Variants in ERCC2 observed in about 807,000 individuals in gnomAD.
ERCC2 encodes the protein general transcription and DNA repair factor IIH helicase subunit XPD.
ERCC2 carries 90 observed loss-of-function variants against 99.4 expected under a neutral mutation model. The observed-to-expected ratio is 0.91, with a 90% CI of 0.76 to 1.08. ERCC2 has a LOEUF of 1.08. ERCC2 is among the 50% of genes least tolerant of loss of function. The probability of loss-of-function intolerance (pLI) is 0.00; values close to 1 mark genes in which losing one functional copy is unlikely to be tolerated. For missense variants in ERCC2, 993 were observed against 1,038.1 expected (o/e 0.96, Z 0.60); for synonymous variants, 497 against 432.4 (o/e 1.15, Z -1.85).
At chr19:45,363,238 C>T (rs1018748555) in intron 11 of ERCC2, among the ~76,000 whole-genome samples, 1 of 152,116 alleles carries the variant, frequency 6.6e-6, no homozygotes, top group African/African-American at 2.4e-5. Context: ...ACGCCCCTGC[C>T]CTCAGGTTTG....
In ERCC2 at chr19:45,350,677, G is replaced by GAGTCT; in HGVS notation, c.*947_*951dup. 6.2e-7 allele frequency: 1 copy of GAGTCT among 1,613,892 alleles called. No homozygotes were observed. The highest frequency in any genetic ancestry group is 8.5e-7 in the Non-Finnish European group (1 of 1,179,926). On this transcript the variant is annotated 3_prime_UTR_variant, in exon 23 of 23. Transcript: ENST00000391945. ...CAGCAGCTCACTCTCCAAGATCCGT[G>GAGTCT]AGTCTATCAGGCGAGGAAGTGAGAA...
chr19:45,357,808 T>TA lies in ERCC2; in HGVS notation c.1238-110dup, dbSNP rs1972065924. Reference sequence around the variant, plus strand: ...TCGCTTCACCCCAATCTCCACCCCGTACTGCCTGGGAGTAAATGCGACCAA... The same window carrying TA: ...TCGCTTCACCCCAATCTCCACCCCGTAACTGCCTGGGAGTAAATGCGACCAA... On this transcript the variant is annotated intron_variant, in intron 12 of 22. Coordinates refer to ENST00000391945, the MANE Select transcript of ERCC2 (RefSeq NM_000400.4). 4 of 1,012,544 alleles carry TA rather than the reference T, an allele frequency of 4.0e-6. No individual in the cohort carries two copies. The Admixed American group carries it at 7.9e-5, about 20-fold the overall frequency. 62.7% of individuals were successfully genotyped at this position (1,012,544 alleles called of 1,614,324 possible).
chr19:45,370,317 G>A, intron 1 of ERCC2, 85 bp from the exon 2 acceptor site: 4 of 1,567,646 alleles, frequency 2.6e-6, no homozygotes, highest in Non-Finnish European at 3.5e-6. Flanking sequence ...GCCCAGAGAA[G>A]GGTGACGGGC....
At chr19:45,352,146 A>G in intron 22 of ERCC2, 63 bp downstream of exon 22, 1 of 1,583,642 alleles carries the variant, frequency 6.3e-7, no homozygotes, top group South Asian at 1.1e-5. Flanking sequence ...GGAGAATCCA[A>G]GGGGACTTTC....
In ERCC2 at chr19:45,369,077, T is replaced by C. The variant is rs1176128995; in HGVS notation, c.176A>G (p.Tyr59Cys). 1 of 1,613,986 alleles carries C rather than the reference T, an allele frequency of 6.2e-7. No individual in the cohort carries two copies. Among genetic ancestry groups the C allele is most frequent in the Non-Finnish European group, 8.5e-7 (1 of 1,179,982 alleles). Residue 59 changes from tyrosine (Y) to cysteine (C), a missense_variant, in exon 3 of 23, where the codon TAC becomes TGC. Tyr to Cys is a radical substitution (Grantham distance 194). Transcript: ENST00000391945. ...TVSLLALIMAYQRAYPLEVTK... is the reference protein window; with the variant it reads ...TVSLLALIMACQRAYPLEVTK... ...GTTCAGCGCATCACTCACTCTCTGG[T>C]ATGCCATGATCAGGGCCAACAGGGA... is the stretch of plus-strand genomic sequence containing the variant.
Position 45,363,869 on chromosome 19 carries a change from C to T in ERCC2, c.992G>A (p.Gly331Asp). Reference protein sequence around the residue: ...GSIRTAEHFLGFLRRLLEYVK... With the variant: ...GSIRTAEHFLDFLRRLLEYVK... Reference sequence around the variant, plus strand: ...GTACTCCAGCAGCCGCCTCAGGAAGCCCAGGAAATGCTCGGCCGTGCGGAT... The same window carrying T: ...GTACTCCAGCAGCCGCCTCAGGAAGTCCAGGAAATGCTCGGCCGTGCGGAT... The change falls in exon 11 of 23, where the codon GGC becomes GAC. Residue 331 changes from glycine to aspartate, a missense_variant. Coordinates refer to ENST00000391945, the MANE Select transcript of ERCC2 (RefSeq NM_000400.4). 2 of 1,552,786 alleles carry T rather than the reference C, an allele frequency of 1.3e-6. No homozygotes were observed. Among genetic ancestry groups the T allele is most frequent in the Non-Finnish European group, 1.7e-6 (2 of 1,156,074 alleles).
At chr19:45,353,508 CTGGGTGGGGAA>C (rs1971902728) in intron 17 of ERCC2, among the ~76,000 whole-genome samples, 174 bp from the exon 18 acceptor site, 1 of 152,156 alleles carries the variant, frequency 6.6e-6, no homozygotes, top group Non-Finnish European at 1.5e-5. Context: ...AAACAGTGAT[CTGGGTGGGGAA>C]CCAATCATTG....
chr19:45,359,671 C>T (rs1972141382), intron 12 of ERCC2, among the ~76,000 whole-genome samples: 1 of 152,206 alleles, frequency 6.6e-6, no homozygotes, highest in Admixed American at 6.5e-5. Context: ...CTCTCCAAAC[C>T]ATACCTTTCT....
chr19:45,355,995 C>T (rs1234978954), intron 15 of ERCC2, among the ~76,000 whole-genome samples: 1 of 152,102 alleles, frequency 6.6e-6, no homozygotes, highest in Non-Finnish European at 1.5e-5. Context: ...TTGAATGAAC[C>T]CTCAGCAACC....
chr19:45,352,973 G>A (rs1971870640), intron 19 of ERCC2, 110 bp downstream of exon 19: 2 of 1,290,226 alleles, frequency 1.6e-6, no homozygotes, highest in Admixed American at 1.7e-5. Context: ...GCCCCTCTGT[G>A]CACCTAGGCT....
chr19:45,352,254 C>T lies in ERCC2; in HGVS notation c.2145G>A (p.Gln715=), dbSNP rs1971829668. 6.2e-7 allele frequency: 1 copy of T among 1,613,976 alleles called. No individual in the cohort carries two copies. The highest frequency in any genetic ancestry group is 8.5e-7 in the Non-Finnish European group (1 of 1,180,002). ...NLNLTVDEGV[Q]VAKYFLRQMA... is the part of the protein sequence containing the mutation. ...TCTGCCGCAGGAAGTACTTGGCCAC[C>T]TGGACACCCTCGTCCACGGTCAGGT... Residue 715 remains glutamine, a synonymous_variant, in exon 22 of 23, where the codon CAG becomes CAA. Coordinates refer to ENST00000391945, the MANE Select transcript of ERCC2 (RefSeq NM_000400.4).
intron 11 of ERCC2, chr19:45,362,071 G>A (rs534067769): frequency 8.9e-6 from 2 of 225,416 alleles, no homozygotes; most frequent in African/African-American, 2.3e-5. Context: ...GATTACAGGT[G>A]CCTGCCACCA....
At chr19:45,362,973 A>G (rs778041717) in intron 11 of ERCC2, among the ~76,000 whole-genome samples, 1 of 152,110 alleles carries the variant, frequency 6.6e-6, no homozygotes. Flanking sequence ...AAGGAACATA[A>G]AGGGCTTAGC....
intron 19 of ERCC2, 116 bp downstream of exon 19, chr19:45,352,967 C>T: frequency 7.9e-7 from 1 of 1,269,834 alleles, no homozygotes; most frequent in African/African-American, 1.5e-5. Context: ...GGGAGGGCCC[C>T]TCTGTGCACC....
intron 12 of ERCC2, chr19:45,358,459 C>T (rs904326051): frequency 4.2e-5 from 12 of 285,790 alleles, no homozygotes; most frequent in South Asian, 1.2e-4. Context: ...ATCCCCTGCT[C>T]GCTTCACGGC....
chr19:45,369,924 C>T (rs955721516), intron 2 of ERCC2, among the ~76,000 whole-genome samples: 5 of 152,250 alleles, frequency 3.3e-5, no homozygotes, highest in African/African-American at 4.8e-5. Flanking sequence ...GATCCGCCCG[C>T]CTCGTCCTCC....
intron 18 of ERCC2, 38 bp from the exon 19 acceptor site, chr19:45,353,193 C>T (rs1971884559): frequency 6.2e-7 from 1 of 1,613,040 alleles, no homozygotes; most frequent in African/African-American, 1.3e-5. Context: ...TAGGTCACTC[C>T]TCAGAGCCAC....
rs914758261 is a variant in ERCC2, at chr19:45,352,884, G to A, written c.1832-68C>T. On this transcript the variant is annotated intron_variant, in intron 19 of 22. Coordinates refer to ENST00000391945, the MANE Select transcript of ERCC2 (RefSeq NM_000400.4). ...GCTGGTGGGACAGGGACAGCCTCACGCGACCCAGGATGCTGTGTCTGAGTT... is the reference window on the plus strand; with the variant it reads ...GCTGGTGGGACAGGGACAGCCTCACACGACCCAGGATGCTGTGTCTGAGTT... 1.3e-4 allele frequency: 187 copies of A among 1,481,880 alleles called. 1 individual carries two copies. The highest frequency in any genetic ancestry group is 1.1e-3 in the Middle Eastern group (6 of 5,486). The allele number at this position is 1,481,880 out of a possible 1,614,324, so 91.8% of individuals were successfully genotyped here.
rs761380191 is a variant in ERCC2, at chr19:45,351,011, G to C, written c.*618C>G. 2.5e-6 allele frequency: 4 copies of C among 1,614,038 alleles called. No homozygotes were observed. In the Admixed American group the frequency reaches 6.7e-5, roughly 27 times the overall value. On this transcript the variant is annotated 3_prime_UTR_variant, in exon 23 of 23. Coordinates refer to ENST00000391945, the MANE Select transcript of ERCC2 (RefSeq NM_000400.4). ...ACGTGGATGCTCCAAGGGCTCCTGG[G>C]ACTCAGGTGAGGGGGACATCTGGGT...
Sources: allele counts gnomAD v4.1 joint callset (sites outside exome capture counted in the v4.1 genomes callset), GRCh38; gene constraint gnomAD v4.1.1; transcripts MANE v1.5; gene names NCBI Gene and HGNC (gene_info 2026-07-23, HGNC 2026-07-21).